Variants in TACC2 observed in about 807,000 individuals in gnomAD.
The protein encoded by TACC2 is transforming acidic coiled-coil containing protein 2.
A neutral mutation model predicts 227.3 loss-of-function variants in TACC2; 137 were observed. That is an observed-to-expected ratio of 0.60 (90% CI 0.52 to 0.69). The LOEUF is 0.69. TACC2 is among the 30% of genes least tolerant of loss of function. The pLI, the probability that TACC2 is intolerant of heterozygous loss-of-function variation, is 0.00. For missense variants in TACC2, 3,470 were observed against 3,694.4 expected (o/e 0.94, Z 1.57); for synonymous variants, 1,523 against 1,487.5 (o/e 1.02, Z -0.55).
At chr10:122,221,648 T>C (rs573500957) in intron 11 of TACC2, among the ~76,000 whole-genome samples, 11 of 152,306 alleles carry the variant, frequency 7.2e-5, no homozygotes, top group Admixed American at 2.0e-4. Context: ...TCCCCTAATA[T>C]AATGTCACTT....
Position 122,203,976 on chromosome 10 carries a change from C to T in TACC2, c.5972-6421C>T, listed in dbSNP as rs868414420. On this transcript the variant is annotated intron_variant, in intron 8 of 22. Coordinates refer to ENST00000369005, the MANE Select transcript of TACC2 (RefSeq NM_206862.4). ...CTGGAGACCAGCCCGGCCAACACAG[C>T]GAAACCCTGTCTCCACCAAAAAAAT... Among the ~76,000 whole-genome samples the T allele has an allele frequency of 2.7e-4, 41 of 151,686 alleles. No homozygotes were observed. The Middle Eastern group carries it at 0.014, about 50-fold the overall frequency.
intron 6 of TACC2, among the ~76,000 whole-genome samples, chr10:122,136,033 C>A (rs2089561637): frequency 6.6e-6 from 1 of 152,142 alleles, no homozygotes; most frequent in Non-Finnish European, 1.5e-5. Flanking sequence ...GCTGTGAATT[C>A]AATGAAGCAA....
At chr10:122,136,701 G>A (rs1297939356) in intron 6 of TACC2, among the ~76,000 whole-genome samples, 1 of 151,890 alleles carries the variant, frequency 6.6e-6, no homozygotes, top group African/African-American at 2.4e-5. Context: ...TTACAGGCGT[G>A]CACCACCATG....
At chr10:122,235,554 A>G (rs536038068) in intron 16 of TACC2, among the ~76,000 whole-genome samples, 2 of 152,154 alleles carry the variant, frequency 1.3e-5, no homozygotes, top group South Asian at 2.1e-4. Flanking sequence ...TTTTTTCAGA[A>G]TTGTGTGTTT....
chr10:122,191,655 A>G (rs1593143559), intron 7 of TACC2, among the ~76,000 whole-genome samples: 2 of 152,346 alleles, frequency 1.3e-5, no homozygotes, highest in Middle Eastern at 3.4e-3. Context: ...CTATAGAAAT[A>G]TAGATATTTT....
At chr10:122,010,112 A>C (rs982489566) in intron 1 of TACC2, among the ~76,000 whole-genome samples, 2 of 152,172 alleles carry the variant, frequency 1.3e-5, no homozygotes, top group Non-Finnish European at 2.9e-5. Context: ...CATCAGGAAT[A>C]ATCTCTTTGC....
At position 122,082,646 on chromosome 10, in the gene TACC2, G is replaced by T. The variant is rs770835208; in HGVS notation, c.147-1G>T. On this transcript the variant is annotated splice_acceptor_variant, in intron 3 of 22. Coordinates refer to ENST00000369005, the MANE Select transcript of TACC2 (RefSeq NM_206862.4). LOFTEE classifies it high-confidence loss of function. ...ACCAATGAAACATTAAATATTTTCA[G>T]CATTGGCAGCGTTGGGCTTGGAGGC... 2.5e-6 allele frequency: 4 copies of T among 1,602,620 alleles called. No homozygotes were observed. The African/African-American group carries it at 5.4e-5, about 22-fold the overall frequency.
At chr10:122,129,456 A>AT (rs1006686361) in intron 5 of TACC2, among the ~76,000 whole-genome samples, 7 of 151,922 alleles carry the variant, frequency 4.6e-5, no homozygotes, top group Non-Finnish European at 1.0e-4. Flanking sequence ...TTGTTTCCAG[A>AT]TTTTTTGCTA....
intron 2 of TACC2, among the ~76,000 whole-genome samples, chr10:122,045,580 G>A (rs949056284): frequency 9.9e-5 from 15 of 152,258 alleles, no homozygotes; most frequent in African/African-American, 3.1e-4. Context: ...TGTCGTAGCA[G>A]AAAGAGAGCT....
intron 11 of TACC2, among the ~76,000 whole-genome samples, chr10:122,222,865 A>G (rs1360149239): frequency 6.6e-6 from 1 of 152,184 alleles, no homozygotes; most frequent in East Asian, 1.9e-4. Flanking sequence ...TGCCTTGGAA[A>G]TCGTAATGAT....
intron 6 of TACC2, among the ~76,000 whole-genome samples, chr10:122,143,259 C>T (rs1437514720): frequency 1.3e-5 from 2 of 152,136 alleles, no homozygotes; most frequent in South Asian, 2.1e-4. Context: ...CTCCTCTAAA[C>T]AAAAATCAAA....
rs549319018 is a variant in TACC2 at position 122,187,765 on chromosome 10, T to C, written c.5835-7275T>C. On this transcript the variant is annotated intron_variant, in intron 7 of 22. Coordinates refer to ENST00000369005, the MANE Select transcript of TACC2 (RefSeq NM_206862.4). Reference sequence around the variant, plus strand: ...CCTCGGGCTTCCAAAGTGCTGGGATTATAGGTGTGAGCCGCGGTGCCCAGC... The same window carrying C: ...CCTCGGGCTTCCAAAGTGCTGGGATCATAGGTGTGAGCCGCGGTGCCCAGC... 9.1e-4 allele frequency among the ~76,000 whole-genome samples: 139 copies of C among 152,222 alleles called. 1 individual carries two copies. Among genetic ancestry groups the C allele is most frequent in the Non-Finnish European group, 1.9e-4 (13 of 68,030 alleles).
chr10:122,181,282 A>G (rs2093963588), intron 7 of TACC2, among the ~76,000 whole-genome samples: 1 of 152,170 alleles, frequency 6.6e-6, no homozygotes, highest in Non-Finnish European at 1.5e-5. Context: ...CAAGAAAATC[A>G]CATTCTTTTT....
At chr10:122,002,395 C>T (rs1027005621) in intron 1 of TACC2, among the ~76,000 whole-genome samples, 33 of 136,794 alleles carry the variant, frequency 2.4e-4, no homozygotes, top group African/African-American at 7.7e-4. Context: ...AATATTTTTG[C>T]ATCACTCATG....
chr10:122,082,532 C>G, intron 3 of TACC2, 115 bp from the exon 4 acceptor site: 1 of 1,128,116 alleles, frequency 8.9e-7, no homozygotes, highest in Admixed American at 2.3e-5. Context: ...GATGCTGTGT[C>G]TGTGGTTAGG....
intron 3 of TACC2, among the ~76,000 whole-genome samples, chr10:122,060,710 A>G (rs952760595): frequency 6.6e-6 from 1 of 152,194 alleles, no homozygotes; most frequent in African/African-American, 2.4e-5. Context: ...CTTTAGAAGG[A>G]AAAAGAAAAA....
chr10:122,212,701 T>C (rs922800944), intron 9 of TACC2, among the ~76,000 whole-genome samples: 5 of 152,118 alleles, frequency 3.3e-5, no homozygotes, highest in Admixed American at 3.3e-4. Flanking sequence ...CCCCTAACAT[T>C]GAATTTCTGA....
chr10:122,175,825 A>G (rs1381843821), intron 7 of TACC2, among the ~76,000 whole-genome samples: 10 of 152,206 alleles, frequency 6.6e-5, no homozygotes, highest in Admixed American at 2.0e-4. Flanking sequence ...CCAGCACTTC[A>G]GGAGGCTGAG....
In TACC2 at chr10:122,038,765, G is replaced by A. The variant is rs933333443; in HGVS notation, c.34-11673G>A. On this transcript the variant is annotated intron_variant, in intron 2 of 22. Coordinates refer to ENST00000369005, the MANE Select transcript of TACC2 (RefSeq NM_206862.4). ...AAGGTTATAATTGCATTTCTAAAGC[G>A]CTAAGTAGGAAGTGAGGAACATGAG... Among the ~76,000 whole-genome samples the A allele has an allele frequency of 7.2e-5, 11 of 152,014 alleles. No homozygotes were observed. The East Asian group carries it at 9.6e-4, about 13-fold the overall frequency.
Sources: allele counts gnomAD v4.1 joint callset (sites outside exome capture counted in the v4.1 genomes callset), GRCh38; gene constraint gnomAD v4.1.1; transcripts MANE v1.5; gene names NCBI Gene and HGNC (gene_info 2026-07-23, HGNC 2026-07-21).